The following KDELR2 variants were observed in gnomAD, a reference collection of about 807,000 sequenced individuals.
KDELR2 encodes KDEL endoplasmic reticulum protein retention receptor 2, also known as ER lumen protein-retaining receptor 2.
Under a neutral mutation model 23.9 loss-of-function variants are expected in KDELR2, and 15 were observed. That is an observed-to-expected ratio of 0.63 (90% CI 0.42 to 0.97). KDELR2 has a LOEUF of 0.97. KDELR2 is among the 50% of genes least tolerant of loss of function. The pLI is 0.00. For synonymous variants in KDELR2, 119 were observed against 106.2 expected, an observed-to-expected ratio of 1.12 and a Z score of -0.74; for missense variants, 272 against 254.6, an observed-to-expected ratio of 1.07 and a Z score of -0.46.
rs543378457 is a variant in KDELR2, at chr7:6,469,359, G to T, written c.351+237C>A. 3.1e-4 allele frequency among the ~76,000 whole-genome samples: 47 copies of T among 151,398 alleles called. No homozygotes were observed. The Middle Eastern group carries it at 0.01, about 34-fold the overall frequency. ...CAGCCTCCGCCTCCTGGGTTCAAGT[G>T]ATTCTCCTGCCTCAGCCTTCTGAGT... is the stretch of plus-strand genomic sequence containing the variant. On this transcript the variant is annotated intron_variant, in intron 3 of 4. Coordinates refer to ENST00000258739, the MANE Select transcript of KDELR2 (RefSeq NM_006854.4).
At chr7:6,471,486 G>C (rs114398348) in intron 2 of KDELR2, among the ~76,000 whole-genome samples, 3,194 of 152,088 alleles carry the variant, frequency 0.021, 126 homozygotes, top group African/African-American at 0.074. Flanking sequence ...GGCCTGTTTT[G>C]GGTCTTTATT....
At position 6,466,319 on chromosome 7, in the gene KDELR2, A is replaced by G. The variant is rs187489384; in HGVS notation, c.356T>C (p.Leu119Pro). The G allele has an allele frequency of 3.1e-6, 5 of 1,613,008 alleles. No homozygotes were observed. The highest frequency in any genetic ancestry group is 4.5e-5 in the East Asian group (2 of 44,870). Residue 119 changes from leucine (L) to proline (P), a missense_variant, in exon 4 of 5, where the codon CTC becomes CCC. By Grantham distance (98) the Leu-to-Pro change is moderately conservative (BLOSUM62 -3). Coordinates refer to ENST00000258739, the MANE Select transcript of KDELR2 (RefSeq NM_006854.4). ...VNHDFSPLEI[L>P]WTFSIYLESV... Reference sequence around the variant, plus strand: ...CTCCAGGTAGATGGAGAAGGTCCAGAGGATCTGGAAGAGAAATGGCAAGCT... The same window carrying G: ...CTCCAGGTAGATGGAGAAGGTCCAGGGGATCTGGAAGAGAAATGGCAAGCT...
intron 3 of KDELR2, among the ~76,000 whole-genome samples, chr7:6,468,407 G>A (rs1216445760): frequency 6.6e-6 from 1 of 152,150 alleles, no homozygotes; most frequent in Non-Finnish European, 1.5e-5. Context: ...TCGGCTCACT[G>A]CAACTTCCGC....
At chr7:6,463,768 A>C (rs532921675) in intron 4 of KDELR2, among the ~76,000 whole-genome samples, 9 of 150,930 alleles carry the variant, frequency 6.0e-5, no homozygotes, top group East Asian at 5.8e-4. Flanking sequence ...AAAAAAAAAA[A>C]CACAAAGGAT....
intron 1 of KDELR2, among the ~76,000 whole-genome samples, chr7:6,481,993 A>C (rs1399070820): frequency 5.4e-5 from 1 of 18,560 alleles, no homozygotes; most frequent in Non-Finnish European, 1.5e-4. Context: ...TTATTTATTT[A>C]TTTATTTATT....
At chr7:6,466,028 G>C (rs200512412) in intron 4 of KDELR2, 43 bp downstream of exon 4, 2 of 1,602,654 alleles carry the variant, frequency 1.2e-6, no homozygotes, top group African/African-American at 1.3e-5. Flanking sequence ...ACTCCTAAAA[G>C]AACACGTCAC....
In KDELR2 at chr7:6,483,979, G is replaced by T; in HGVS notation, c.79C>A (p.Arg27Ser). The T allele has an allele frequency of 6.5e-7, 1 of 1,530,104 alleles. No homozygotes were observed. Among genetic ancestry groups the T allele is most frequent in the Non-Finnish European group, 8.8e-7 (1 of 1,136,396 alleles). 94.8% of individuals were successfully genotyped at this position (1,530,104 alleles called of 1,614,324 possible). ...CCCCGCCGCTCACCGGCGCAGGAGC[G>T]CGTCTTCCAGATCTTCAGCAGCAGG... ...VILLLKIWKTRSCAGISGKSQ... is the reference protein window; with the variant it reads ...VILLLKIWKTSSCAGISGKSQ... The change falls in exon 1 of 5, where the codon CGC becomes AGC. Residue 27 changes from arginine to serine, a missense_variant. By Grantham distance (110) the Arg-to-Ser change is moderately radical (BLOSUM62 -1). Transcript: ENST00000258739.
intron 1 of KDELR2, among the ~76,000 whole-genome samples, chr7:6,480,381 G>A (rs139768417): frequency 6.6e-4 from 101 of 152,244 alleles, no homozygotes; most frequent in African/African-American, 2.3e-3. Context: ...ACCGTGGATC[G>A]AGCTGCAATG....
chr7:6,465,627 G>A (rs771474092), intron 4 of KDELR2, among the ~76,000 whole-genome samples: 7 of 152,040 alleles, frequency 4.6e-5, no homozygotes, highest in African/African-American at 7.3e-5. Context: ...AACCAGTAAC[G>A]GCCTGACCAC....
In KDELR2 at chr7:6,462,122, TTAAA is replaced by T. The variant is rs1785401478; in HGVS notation, c.*1015_*1018del. 6.6e-6 allele frequency: 1 copy of T among 151,740 alleles called. No individual in the cohort carries two copies. The highest frequency in any genetic ancestry group is 2.4e-5 in the African/African-American group (1 of 41,268). The allele number at this position is 151,740 out of a possible 1,614,324, so 9.4% of individuals were successfully genotyped here. A position where few individuals can be genotyped will look rare whatever the true frequency, so the allele number is the denominator to read the frequency against. ...AAGAAACTACGATGTCGGCTGCGGG[TTAAA>T]TAAAAAGAAAACCACACATACAAAA... On this transcript the variant is annotated 3_prime_UTR_variant, in exon 5 of 5. Coordinates refer to ENST00000258739, the MANE Select transcript of KDELR2 (RefSeq NM_006854.4).
chr7:6,462,797 A>G lies in KDELR2; in HGVS notation c.*344T>C. Reference sequence around the variant, plus strand: ...GCAGACACAAAGACTTAAGAGTTTCAAAGAATTTTTTAAAATAAAAAAAAA... The same window carrying G: ...GCAGACACAAAGACTTAAGAGTTTCGAAGAATTTTTTAAAATAAAAAAAAA... On this transcript the variant is annotated 3_prime_UTR_variant, in exon 5 of 5. Transcript: ENST00000258739. 1.8e-6 allele frequency: 1 copy of G among 544,868 alleles called. No homozygotes were observed. The highest frequency in any genetic ancestry group is 3.1e-5 in the East Asian group (1 of 32,630). 33.8% of individuals were successfully genotyped at this position (544,868 alleles called of 1,614,324 possible).
chr7:6,462,931 G>A lies in KDELR2; in HGVS notation c.*210C>T. The A allele has an allele frequency of 1.3e-6, 2 of 1,540,492 alleles. No homozygotes were observed. Among genetic ancestry groups the A allele is most frequent in the Non-Finnish European group, 1.8e-6 (2 of 1,132,966 alleles). On this transcript the variant is annotated 3_prime_UTR_variant, in exon 5 of 5. Transcript: ENST00000258739. The stretch of plus-strand genomic sequence containing the variant: ...AGTTTCTTTGTGTAAAAAAATCTTT[G>A]TACACAGTAATAAAAAAAGATAAGG...
At chr7:6,469,817 T>C (rs956643838) in intron 2 of KDELR2, 63 bp from the exon 3 acceptor site, 8 of 1,391,106 alleles carry the variant, frequency 5.8e-6, no homozygotes, top group Non-Finnish European at 7.8e-6. Flanking sequence ...ACCCCCCAGC[T>C]TTTTTAATCA....
chr7:6,473,872 G>A (rs1785703306), intron 2 of KDELR2, among the ~76,000 whole-genome samples: 1 of 152,128 alleles, frequency 6.6e-6, no homozygotes, highest in South Asian at 2.1e-4. Flanking sequence ...AAATATAATA[G>A]TTACCGCTCT....
chr7:6,469,118 A>T (rs1169793832), intron 3 of KDELR2, among the ~76,000 whole-genome samples: 3 of 150,260 alleles, frequency 2.0e-5, no homozygotes, highest in African/African-American at 4.9e-5. Context: ...TGCCCAGCTA[A>T]TTTTTTTTAT....
intron 1 of KDELR2, chr7:6,482,649 A>T: frequency 2.2e-6 from 1 of 459,138 alleles, no homozygotes. Context: ...TTTTAGAAAT[A>T]AATCAGGTAA....
chr7:6,483,069 A>C (rs544240029), intron 1 of KDELR2, among the ~76,000 whole-genome samples: 1 of 152,248 alleles, frequency 6.6e-6, no homozygotes, highest in African/African-American at 2.4e-5. Context: ...GAAATGTAAA[A>C]GTCCAAAACT....
intron 1 of KDELR2, among the ~76,000 whole-genome samples, chr7:6,478,069 G>T (rs6961571): frequency 6.6e-6 from 1 of 152,184 alleles, no homozygotes; most frequent in Non-Finnish European, 1.5e-5. Flanking sequence ...CTACTAACAC[G>T]AAATGCAAAG....
At chr7:6,482,442 C>G (rs1785920642) in intron 1 of KDELR2, 1 of 369,950 alleles carries the variant, frequency 2.7e-6, no homozygotes, top group African/African-American at 2.1e-5. Context: ...AGTTGAACCT[C>G]TCAGAACTAT....
Sources: allele counts gnomAD v4.1 joint callset (sites outside exome capture counted in the v4.1 genomes callset), GRCh38; gene constraint gnomAD v4.1.1; transcripts MANE v1.5; gene names NCBI Gene and HGNC (gene_info 2026-07-23, HGNC 2026-07-21).